The following BNC2 variants were observed in gnomAD, a reference collection of about 807,000 sequenced individuals.
BNC2 encodes zinc finger protein basonuclin-2.
BNC2 carries 20 observed loss-of-function variants against 76.3 expected under a neutral mutation model. That is an observed-to-expected ratio of 0.26 (90% CI 0.18 to 0.38). The LOEUF (loss-of-function observed/expected upper bound fraction) is 0.38, where lower values mean the gene tolerates loss of function less well. Ranked by LOEUF, BNC2 falls within the 10% of genes least tolerant of loss-of-function variation. The pLI is 1.00. For synonymous variants in BNC2, 582 were observed against 514.8 expected (o/e 1.13, Z -1.77); for missense variants, 1,382 against 1,399.8 (o/e 0.99, Z 0.20).
chr9:16,853,235 T>C (rs1819169822), intron 1 of BNC2, among the ~76,000 whole-genome samples: 1 of 151,900 alleles, frequency 6.6e-6, no homozygotes, highest in East Asian at 2.0e-4. Flanking sequence ...CTGGCCAGCA[T>C]GGCAAAACTC....
chr9:16,700,907 C>A (rs781283555), intron 3 of BNC2, among the ~76,000 whole-genome samples: 22 of 152,286 alleles, frequency 1.4e-4, no homozygotes, highest in Non-Finnish European at 2.2e-4. Flanking sequence ...CGGGCCCCTG[C>A]ACTCTAGCCA....
chr9:16,544,145 A>G (rs1418422527), intron 5 of BNC2, among the ~76,000 whole-genome samples: 2 of 152,196 alleles, frequency 1.3e-5, no homozygotes, highest in African/African-American at 4.8e-5. Flanking sequence ...TGTAGTTTAT[A>G]TAATACAACT....
chr9:16,539,194 A>T (rs901535588), intron 5 of BNC2, among the ~76,000 whole-genome samples: 1 of 152,172 alleles, frequency 6.6e-6, no homozygotes, highest in African/African-American at 2.4e-5. Flanking sequence ...ACAGGGGGAA[A>T]AAAACAAATA....
At chr9:16,437,607 C>A in intron 5 of BNC2, 83 bp from the exon 6 acceptor site, 2 of 1,480,706 alleles carry the variant, frequency 1.4e-6, no homozygotes, top group Non-Finnish European at 9.2e-7. Flanking sequence ...ACTGAAGGTG[C>A]TCTGTGTGCT....
intron 1 of BNC2, among the ~76,000 whole-genome samples, chr9:16,815,475 C>A (rs1437110580): frequency 6.6e-6 from 1 of 152,184 alleles, no homozygotes; most frequent in East Asian, 1.9e-4. Flanking sequence ...TGGTCACAGT[C>A]AACTTTAATA....
chr9:16,510,142 C>T (rs1040435011), intron 5 of BNC2, among the ~76,000 whole-genome samples: 5 of 152,194 alleles, frequency 3.3e-5, no homozygotes, highest in East Asian at 1.9e-4. Context: ...ATCAAGGAAG[C>T]GCTAGCCACA....
intron 5 of BNC2, among the ~76,000 whole-genome samples, chr9:16,488,016 C>T (rs1387959462): frequency 3.9e-5 from 6 of 152,020 alleles, no homozygotes; most frequent in Middle Eastern, 3.2e-3. Context: ...AACCCCAATA[C>T]GACTATTTTT....
chr9:16,463,472 A>AT (rs1481031876), intron 5 of BNC2, among the ~76,000 whole-genome samples: 1 of 144,248 alleles, frequency 6.9e-6, no homozygotes, highest in Non-Finnish European at 1.5e-5. Context: ...AATTTTTTGT[A>AT]TTTTTAGTAG....
intron 1 of BNC2, among the ~76,000 whole-genome samples, chr9:16,804,929 G>C (rs956924911): frequency 1.3e-5 from 2 of 152,090 alleles, no homozygotes; most frequent in African/African-American, 2.4e-5. Context: ...GGGTGTGGTG[G>C]CATGCGCCTG....
chr9:16,829,344 T>C (rs934019937), intron 1 of BNC2, among the ~76,000 whole-genome samples: 23 of 152,300 alleles, frequency 1.5e-4, no homozygotes, highest in Admixed American at 9.1e-4. Context: ...ACCAAATGAA[T>C]GGTTTTGCTT....
At chr9:16,699,965 A>T (rs1331355689) in intron 3 of BNC2, among the ~76,000 whole-genome samples, 1 of 152,352 alleles carries the variant, frequency 6.6e-6, no homozygotes, top group East Asian at 1.9e-4. Context: ...TTTTACAAGC[A>T]ATTTATTTAA....
In BNC2 at chr9:16,435,875, C is replaced by A. The variant is rs756965590; in HGVS notation, c.2319G>T (p.Lys773Asn). Reference protein sequence around the residue: ...HSEPSHQDVIKVKEEFTDPTY... With the variant: ...HSEPSHQDVINVKEEFTDPTY... ...TGGGGTCTGTAAATTCTTCCTTCAC[C>A]TTGATGACGTCCTGGTGAGAGGGCT... is the stretch of plus-strand genomic sequence containing the variant. The change falls in exon 6 of 7, where the codon AAG becomes AAT. Residue 773 changes from lysine (K) to asparagine (N), a missense_variant. Coordinates refer to ENST00000380672, the MANE Select transcript of BNC2 (RefSeq NM_017637.6). 12 of 1,613,678 alleles carry A rather than the reference C, an allele frequency of 7.4e-6. No homozygotes were observed. Among genetic ancestry groups the A allele is most frequent in the Non-Finnish European group, 1.0e-5 (12 of 1,179,746 alleles).
chr9:16,475,264 T>A (rs1821904475), intron 5 of BNC2, among the ~76,000 whole-genome samples: 1 of 152,114 alleles, frequency 6.6e-6, no homozygotes, highest in Non-Finnish European at 1.5e-5. Context: ...TGTGAACACA[T>A]CTGTGTTCAC....
intron 3 of BNC2, among the ~76,000 whole-genome samples, chr9:16,709,208 AG>A (rs898074419): frequency 6.6e-6 from 1 of 152,088 alleles, no homozygotes; most frequent in African/African-American, 2.4e-5. Context: ...TGAAGTGGGG[AG>A]GGGAACTCCT....
chr9:16,792,157 A>G (rs1041436485), intron 1 of BNC2, among the ~76,000 whole-genome samples: 3 of 152,036 alleles, frequency 2.0e-5, no homozygotes, highest in African/African-American at 7.2e-5. Context: ...TACACTCAGT[A>G]TGCACCAGGA....
intron 3 of BNC2, among the ~76,000 whole-genome samples, chr9:16,702,744 T>A (rs1351330053): frequency 6.6e-6 from 1 of 152,186 alleles, no homozygotes. Flanking sequence ...TTATTAAGTA[T>A]CTACTATGTA....
At chr9:16,731,253 CT>C (rs775494332) in intron 2 of BNC2, among the ~76,000 whole-genome samples, 24 of 152,168 alleles carry the variant, frequency 1.6e-4, no homozygotes, top group Non-Finnish European at 2.2e-4. Flanking sequence ...ACAAGTATCA[CT>C]TCCACAATAA....
Position 16,435,895 on chromosome 9 carries a change from A to G in BNC2, c.2299T>C (p.Ser767Pro). 6.2e-7 allele frequency: 1 copy of G among 1,613,694 alleles called. No homozygotes were observed. ...ERPDENHSEP[S>P]HQDVIKVKEE... ...TTCACCTTGATGACGTCCTGGTGAG[A>G]GGGCTCACTGTGGTTCTCATCAGGC... Residue 767 changes from serine (S) to proline (P), a missense_variant, in exon 6 of 7, where the codon TCT (serine) becomes CCT (proline). This residue lies in a region of BNC2 where 798 missense variants were observed against 775.5 expected (regional missense o/e 1.03). Transcript: ENST00000380672.
chr9:16,551,798 A>C (rs182760193), intron 5 of BNC2, among the ~76,000 whole-genome samples: 1 of 152,298 alleles, frequency 6.6e-6, no homozygotes, highest in Admixed American at 6.5e-5. Flanking sequence ...ACATTGCAAA[A>C]ATGAGATGAA....
Sources: gnomAD v4.1 joint callset for allele counts (sites outside exome capture counted in the v4.1 genomes callset) on GRCh38, gnomAD v4.1.1 for gene constraint, gnomAD v4.1.1 regional missense constraint, MANE v1.5 for transcripts, NCBI Gene and HGNC (gene_info 2026-07-23, HGNC 2026-07-21) for gene names.